Variants in NEU4 observed in about 807,000 individuals in gnomAD.
NEU4 encodes the protein sialidase-4.
In NEU4, 7 loss-of-function variants were observed where a neutral mutation model predicts 9.9. The observed-to-expected ratio is 0.71, with a 90% CI of 0.40 to 1.33. NEU4 has a LOEUF of 1.33. Ranked by LOEUF, NEU4 falls within the 40% of genes most tolerant of loss-of-function variation. The pLI, the probability that NEU4 is intolerant of heterozygous loss-of-function variation, is 0.01. For synonymous variants in NEU4, 348 were observed against 316.9 expected (o/e 1.10, Z -1.04); for missense variants, 717 against 712.6 (o/e 1.01, Z -0.07).
chr2:241,815,950 C>T (rs1043001544), intron 3 of NEU4, 101 bp from the exon 4 acceptor site: 48 of 1,210,320 alleles, frequency 4.0e-5, no homozygotes, highest in East Asian at 1.8e-4. Flanking sequence ...GGTCCTAACC[C>T]GAGGCACCAG....
rs763942535 is a variant in NEU4 at position 241,816,742 on chromosome 2, AG to A, written c.1150del (p.Val384TrpfsTer13). On this transcript the variant is annotated frameshift_variant, in exon 4 of 4. Transcript: ENST00000407683. LOFTEE classifies it low-confidence loss of function (END_TRUNC). ...SPTWLLYSHP[V>X]GRRARLHMGI... is the part of the protein sequence containing the mutation. Reference sequence around the variant, plus strand: ...CCACGTGGCTGCTGTACTCCCACCCAGTGGGGCGCAGGGCTCGGCTACACAT... The same window carrying A: ...CCACGTGGCTGCTGTACTCCCACCCATGGGGCGCAGGGCTCGGCTACACAT... 3.2e-6 allele frequency: 5 copies of A among 1,567,456 alleles called. No homozygotes were observed. Among genetic ancestry groups the A allele is most frequent in the Non-Finnish European group, 4.3e-6 (5 of 1,157,720 alleles).
At position 241,815,132 on chromosome 2, in the gene NEU4, G is replaced by A. The variant is rs776408854; in HGVS notation, c.442G>A (p.Gly148Ser). 4.8e-5 allele frequency: 75 copies of A among 1,567,262 alleles called. 1 individual carries two copies. Among genetic ancestry groups the A allele is most frequent in the South Asian group, 2.9e-4 (25 of 87,528 alleles). Reference sequence around the variant, plus strand: ...CCGGGACCTCACCGAGGAGGCCATCGGTGGTGCCGTGCAGGGTAGGCGGGC... The same window carrying A: ...CCGGGACCTCACCGAGGAGGCCATCAGTGGTGCCGTGCAGGGTAGGCGGGC... ...SARDLTEEAI[G>S]GAVQDWATFA... Residue 148 changes from glycine to serine, a missense_variant, in exon 3 of 4, where the codon GGT becomes AGT. Transcript: ENST00000407683.
chr2:241,810,125 G>T (rs1013772070), intron 1 of NEU4, among the ~76,000 whole-genome samples: 3 of 152,144 alleles, frequency 2.0e-5, no homozygotes, highest in Non-Finnish European at 4.4e-5. Flanking sequence ...CAGGATTCTC[G>T]GCTGTGAGCA....
chr2:241,813,259 G>A lies in NEU4; in HGVS notation c.-3-1223G>A, dbSNP rs932637723. The A allele has an allele frequency of 3.4e-5, 32 of 951,878 alleles. No homozygotes were observed. In the African/African-American group the frequency reaches 3.9e-4, roughly 12 times the overall value. 59.0% of individuals were successfully genotyped at this position (951,878 alleles called of 1,614,324 possible). A position where few individuals can be genotyped will look rare whatever the true frequency, so the allele number is the denominator to read the frequency against. On this transcript the variant is annotated intron_variant, in intron 1 of 3. Transcript: ENST00000407683. The stretch of plus-strand genomic sequence containing the variant: ...CCGTGGGTGTGCATGGGTCCCCGTC[G>A]TAGGCAGGCGTTCTGCCCTGGCCAG...
chr2:241,813,354 G>T, intron 1 of NEU4: 1 of 1,050,948 alleles, frequency 9.5e-7, no homozygotes, highest in South Asian at 2.6e-5. Flanking sequence ...GGTGCCCCGT[G>T]TGCCCGGCCT....
intron 1 of NEU4, chr2:241,813,598 G>A: frequency 1.7e-6 from 2 of 1,186,234 alleles, no homozygotes; most frequent in Non-Finnish European, 2.3e-6. Context: ...TGTTGCCTGG[G>A]AGCAAACTCC....
At chr2:241,809,617 C>T (rs1575375675) in intron 1 of NEU4, 1 of 265,450 alleles carries the variant, frequency 3.8e-6, no homozygotes, top group Non-Finnish European at 7.4e-6. Context: ...AGCCGTGGGC[C>T]ATGGGGTGAC....
chr2:241,817,121 G>C lies in NEU4; in HGVS notation c.*73G>C, dbSNP rs2293760. On this transcript the variant is annotated 3_prime_UTR_variant, in exon 4 of 4. Transcript: ENST00000407683. Reference sequence around the variant, plus strand: ...GGTGGAATACGTTGGGGTGCCCCACGATAGCTGTGGGGGGGGCTCTTAGTG... The same window carrying C: ...GGTGGAATACGTTGGGGTGCCCCACCATAGCTGTGGGGGGGGCTCTTAGTG... The C allele has an allele frequency of 7.1e-7, 1 of 1,415,000 alleles. No homozygotes were observed. The highest frequency in any genetic ancestry group is 2.5e-5 in the East Asian group (1 of 40,688). 87.7% of individuals were successfully genotyped at this position (1,415,000 alleles called of 1,614,324 possible).
intron 3 of NEU4, chr2:241,815,490 A>C: frequency 1.9e-6 from 1 of 515,766 alleles, no homozygotes; most frequent in East Asian, 6.2e-5. Context: ...CAGGCCCTCT[A>C]TGGCTGACCC....
chr2:241,815,393 G>GACAAATCCCTCTCCCCA (rs1700289306), intron 3 of NEU4: 12 of 535,918 alleles, frequency 2.2e-5, no homozygotes, highest in East Asian at 5.6e-5. Context: ...TCCCGTCCCA[G>GACAAATCCCTCTCCCCA]GCAAATCCCT....
At chr2:241,814,737 G>A in intron 2 of NEU4, 52 bp downstream of exon 2, 1 of 1,515,264 alleles carries the variant, frequency 6.6e-7, no homozygotes, top group South Asian at 1.2e-5. Flanking sequence ...GATCTGCTGG[G>A]GCTGCACACC....
rs1417117754 is a variant in NEU4 at position 241,816,958 on chromosome 2, C to T, written c.1365C>T (p.Phe455=). ...ATGATGAGATTTCCTTTTGTACATTCTCCCTGCGTGAGGTCCTGGAGAACG... is the reference window on the plus strand; with the variant it reads ...ATGATGAGATTTCCTTTTGTACATTTTCCCTGCGTGAGGTCCTGGAGAACG... ...TSYDEISFCT[F]SLREVLENVP... is the part of the protein sequence containing the mutation. Residue 455 remains phenylalanine (F), a synonymous_variant, in exon 4 of 4, where the codon TTC becomes TTT. Transcript: ENST00000407683. The T allele has an allele frequency of 1.9e-6, 3 of 1,612,624 alleles. No homozygotes were observed. Among genetic ancestry groups the T allele is most frequent in the African/African-American group, 2.7e-5 (2 of 74,914 alleles).
intron 3 of NEU4, chr2:241,815,562 G>A (rs964675988): frequency 3.9e-6 from 2 of 508,064 alleles, no homozygotes; most frequent in Non-Finnish European, 7.9e-6. Flanking sequence ...GGACGCTGAG[G>A]TGTCTCTCAG....
At chr2:241,814,375 C>G (rs1422314349) in intron 1 of NEU4, 107 bp from the exon 2 acceptor site, 21 of 1,058,938 alleles carry the variant, frequency 2.0e-5, no homozygotes, top group Middle Eastern at 2.4e-4. Flanking sequence ...CAGGTGTGGG[C>G]AGGAGCTGTC....
Position 241,817,040 on chromosome 2 carries a change from C to T in NEU4, c.1447C>T (p.Pro483Ser), listed in dbSNP as rs1421634591. Residue 483 changes from proline to serine, a missense_variant, in exon 4 of 4, where the codon CCC (proline) becomes TCC (serine). By Grantham distance (74) the Pro-to-Ser change is moderately conservative. Transcript: ENST00000407683. ...GGACAAGCCTCGGGGGTGCTGCTGG[C>T]CCTCCTGACAGGCCTTCTGGCCGTG... ...LGDKPRGCCW[P>S]S 4 of 1,587,286 alleles carry T rather than the reference C, an allele frequency of 2.5e-6. No individual in the cohort carries two copies. Among genetic ancestry groups the T allele is most frequent in the East Asian group, 2.2e-5 (1 of 44,636 alleles).
At position 241,816,725 on chromosome 2, in the gene NEU4, C is replaced by G. The variant is rs1700359363; in HGVS notation, c.1132C>G (p.Leu378Val). The G allele has an allele frequency of 6.4e-7, 1 of 1,559,062 alleles. No homozygotes were observed. Among genetic ancestry groups the G allele is most frequent in the African/African-American group, 1.4e-5 (1 of 73,484 alleles). ...FAAPPQSPTW[L>V]LYSHPVGRRA... is the part of the protein sequence containing the mutation. Reference sequence around the variant, plus strand: ...TGCCCCGCCCCAGAGCCCCACGTGGCTGCTGTACTCCCACCCAGTGGGGCG... The same window carrying G: ...TGCCCCGCCCCAGAGCCCCACGTGGGTGCTGTACTCCCACCCAGTGGGGCG... The change falls in exon 4 of 4, where the codon CTG becomes GTG. Residue 378 changes from leucine to valine, a missense_variant. Coordinates refer to ENST00000407683, the MANE Select transcript of NEU4 (RefSeq NM_001167600.3).
intron 3 of NEU4, 70 bp from the exon 4 acceptor site, chr2:241,815,980 CT>C (rs1260385749): frequency 2.1e-6 from 3 of 1,432,426 alleles, no homozygotes; most frequent in Admixed American, 4.5e-5. Flanking sequence ...CCCCGTCCCC[CT>C]GTGCCTTCCT....
intron 1 of NEU4, chr2:241,811,516 G>A (rs937826961): frequency 1.2e-4 from 170 of 1,429,606 alleles, no homozygotes; most frequent in South Asian, 8.9e-4. Flanking sequence ...CCGGGCGCCC[G>A]GGGTCAGGAC....
In NEU4 at chr2:241,816,046, T is replaced by A; in HGVS notation, c.458-5T>A. The stretch of plus-strand genomic sequence containing the variant: ...CCCCTCCCACCTCTGCCCTCCTCCC[T>A]GCAGACTGGGCCACATTCGCTGTGG... On this transcript the variant is annotated splice_region_variant and splice_polypyrimidine_tract_variant and intron_variant, in intron 3 of 3. Coordinates refer to ENST00000407683, the MANE Select transcript of NEU4 (RefSeq NM_001167600.3). The A allele has an allele frequency of 6.3e-7, 1 of 1,595,124 alleles. No homozygotes were observed. Among genetic ancestry groups the A allele is most frequent in the Non-Finnish European group, 8.5e-7 (1 of 1,171,642 alleles).
Sources: allele counts gnomAD v4.1 joint callset (sites outside exome capture counted in the v4.1 genomes callset), GRCh38; gene constraint gnomAD v4.1.1; transcripts MANE v1.5; gene names NCBI Gene and HGNC (gene_info 2026-07-23, HGNC 2026-07-21).